DRD3: variants seen among roughly 807,000 people sequenced by gnomAD.
The protein encoded by DRD3 is D(3) dopamine receptor.
DRD3 carries 19 observed loss-of-function variants against 36.3 expected under a neutral mutation model. The observed-to-expected ratio is 0.52, with a 90% CI of 0.36 to 0.77. The LOEUF is 0.77. Among genes scored for constraint, DRD3 ranks in the 30% least tolerant of loss-of-function variants. The probability of loss-of-function intolerance (pLI) is 0.00; values close to 1 mark genes in which losing one functional copy is unlikely to be tolerated. For missense variants in DRD3, 465 were observed against 505.3 expected, an observed-to-expected ratio of 0.92 and a Z score of 0.77; for synonymous variants, 195 against 203.7, an observed-to-expected ratio of 0.96 and a Z score of 0.36.
At chr3:114,141,018 A>G (rs1394467068) in intron 4 of DRD3, among the ~76,000 whole-genome samples, 1 of 152,210 alleles carries the variant, frequency 6.6e-6, no homozygotes, top group East Asian at 1.9e-4. Flanking sequence ...CGTTTCTTTA[A>G]TTAATCAATT....
In DRD3 at chr3:114,147,517, T is replaced by C; in HGVS notation, c.424A>G (p.Thr142Ala). The part of the protein sequence containing the change: ...VVMPVHYQHG[T>A]GQSSCRRVAL... ...ACGCGCCGACAGGAGCTCTGTCCCGTGCCATGCTGGTAGTGAACGGGCATG... is the reference window on the plus strand; with the variant it reads ...ACGCGCCGACAGGAGCTCTGTCCCGCGCCATGCTGGTAGTGAACGGGCATG... Residue 142 changes from threonine to alanine, a missense_variant, in exon 4 of 7, where the codon ACG (threonine) becomes GCG (alanine). Thr to Ala is a moderately conservative substitution (Grantham distance 58). Coordinates refer to ENST00000383673, the MANE Select transcript of DRD3 (RefSeq NM_000796.6). 6.2e-7 allele frequency: 1 copy of C among 1,614,120 alleles called. No homozygotes were observed. The highest frequency in any genetic ancestry group is 8.5e-7 in the Non-Finnish European group (1 of 1,180,010).
At chr3:114,139,353 G>T in intron 5 of DRD3, 147 bp downstream of exon 5, 2 of 766,892 alleles carry the variant, frequency 2.6e-6, no homozygotes, top group South Asian at 2.1e-5. Flanking sequence ...TACCTTCAAA[G>T]CGCAGCCAAA....
rs2077396910 is a variant in DRD3, at chr3:114,128,485, T to C, written c.*231A>G. Among the ~76,000 whole-genome samples the C allele has an allele frequency of 6.6e-6, 1 of 152,188 alleles. No homozygotes were observed. Among genetic ancestry groups the C allele is most frequent in the African/African-American group, 2.4e-5 (1 of 41,450 alleles). ...TCTTTCTGAATTATTGCTTATCACT[T>C]GGAAGCTCCCCAGTCATTTGAAGAT... On this transcript the variant is annotated 3_prime_UTR_variant, in exon 7 of 7. Transcript: ENST00000383673.
At chr3:114,129,026 T>C in intron 6 of DRD3, 114 bp from the exon 7 acceptor site, 1 of 1,163,008 alleles carries the variant, frequency 8.6e-7, no homozygotes, top group Non-Finnish European at 1.2e-6. Context: ...CTGGAAGTTT[T>C]GCATACCCAC....
chr3:114,180,062 G>A (rs199530002), upstream of DRD3, among the ~76,000 whole-genome samples: 2 of 151,886 alleles, frequency 1.3e-5, no homozygotes, highest in East Asian at 3.8e-4. Flanking sequence ...CCCAAGATTT[G>A]GATCTAAACA....
chr3:114,193,733 T>A (rs1375962412), intron 1 of DRD3, among the ~76,000 whole-genome samples: 1 of 152,204 alleles, frequency 6.6e-6, no homozygotes, highest in Non-Finnish European at 1.5e-5. Context: ...GGACTTAGAT[T>A]CCTTCCTACA....
intron 3 of DRD3, among the ~76,000 whole-genome samples, chr3:114,152,634 G>A (rs184793178): frequency 6.6e-6 from 1 of 152,254 alleles, no homozygotes; most frequent in East Asian, 1.9e-4. Context: ...CAAGAACTCT[G>A]CCAGCACGGC....
At chr3:114,137,628 T>C (rs2077485445) in intron 5 of DRD3, among the ~76,000 whole-genome samples, 1 of 152,058 alleles carries the variant, frequency 6.6e-6, no homozygotes, top group South Asian at 2.1e-4. Flanking sequence ...GGGCAGATCA[T>C]TTGAGGCCAG....
intron 5 of DRD3, among the ~76,000 whole-genome samples, chr3:114,133,497 A>G (rs898392415): frequency 2.9e-5 from 4 of 136,632 alleles, no homozygotes; most frequent in Non-Finnish European, 6.2e-5. Context: ...TTATTTTTGA[A>G]AACTTCCATA....
chr3:114,128,849 G>A lies in DRD3; in HGVS notation c.1070C>T (p.Thr357Ile), dbSNP rs769413992. Residue 357 changes from threonine (T) to isoleucine (I), a missense_variant, in exon 7 of 7, where the codon ACA becomes ATA. By Grantham distance (89) the Thr-to-Ile change is moderately conservative. Transcript: ENST00000383673. ...LTHVLNTHCQTCHVSPELYSA... is the reference protein window; with the variant it reads ...LTHVLNTHCQICHVSPELYSA... ...GTAAAGCTCTGGGGACACGTGGCAT[G>A]TCTGGCAGTGGGTATTGAGAACATG... 1 of 1,613,854 alleles carries A rather than the reference G, an allele frequency of 6.2e-7. No individual in the cohort carries two copies. The highest frequency in any genetic ancestry group is 8.5e-7 in the Non-Finnish European group (1 of 1,179,906).
chr3:114,148,282 CAATGAT>C (rs1049423684), intron 3 of DRD3, among the ~76,000 whole-genome samples: 4 of 152,096 alleles, frequency 2.6e-5, no homozygotes, highest in African/African-American at 9.7e-5. Context: ...GGTTTTCAGA[CAATGAT>C]AGAACATACC....
intron 5 of DRD3, among the ~76,000 whole-genome samples, chr3:114,138,658 G>T (rs1478197332): frequency 2.6e-5 from 4 of 152,064 alleles, no homozygotes; most frequent in Non-Finnish European, 1.5e-5. Flanking sequence ...GAGCATATTG[G>T]GTTTTCTCTT....
chr3:114,147,703 C>T, intron 3 of DRD3, 146 bp from the exon 4 acceptor site: 1 of 943,782 alleles, frequency 1.1e-6, no homozygotes, highest in Non-Finnish European at 1.6e-6. Flanking sequence ...CTGTTCACTG[C>T]AGTTCAACTC....
chr3:114,162,272 C>T (rs564371420), intron 2 of DRD3, among the ~76,000 whole-genome samples: 2 of 152,272 alleles, frequency 1.3e-5, no homozygotes, highest in East Asian at 1.9e-4. Flanking sequence ...CCACATGACC[C>T]ATTCCAGGAA....
intron 6 of DRD3, among the ~76,000 whole-genome samples, chr3:114,130,047 A>G (rs2107827020): frequency 6.6e-6 from 1 of 152,282 alleles, no homozygotes; most frequent in East Asian, 1.9e-4. Context: ...CATGAGTTTG[A>G]GACCAGCCTG....
At chr3:114,151,945 C>T (rs959736180) in intron 3 of DRD3, among the ~76,000 whole-genome samples, 3 of 152,186 alleles carry the variant, frequency 2.0e-5, no homozygotes, top group Admixed American at 1.3e-4. Flanking sequence ...TCAATTCGCT[C>T]GATTCTGTTA....
intron 1 of DRD3, among the ~76,000 whole-genome samples, chr3:114,186,282 C>T (rs1278035813): frequency 6.6e-6 from 1 of 152,154 alleles, no homozygotes; most frequent in African/African-American, 2.4e-5. Context: ...CATGTGCCAC[C>T]ATGCCCGGTT....
At chr3:114,189,543 G>T (rs974499522) in intron 1 of DRD3, among the ~76,000 whole-genome samples, 15 of 152,202 alleles carry the variant, frequency 9.9e-5, no homozygotes, top group Admixed American at 9.8e-4. Context: ...TATTTGGGCC[G>T]CAGACTAGGA....
chr3:114,140,387 A>G (rs1304091803), intron 4 of DRD3, among the ~76,000 whole-genome samples: 2 of 152,150 alleles, frequency 1.3e-5, no homozygotes, highest in African/African-American at 4.8e-5. Context: ...TGTTCCTGCC[A>G]TTTCTCCTTG....
Sources: gnomAD v4.1 joint callset for allele counts (sites outside exome capture counted in the v4.1 genomes callset) on GRCh38, gnomAD v4.1.1 for gene constraint, MANE v1.5 for transcripts, NCBI Gene and HGNC (gene_info 2026-07-23, HGNC 2026-07-21) for gene names.